ITSN1: variants seen among roughly 807,000 people sequenced by gnomAD.
ITSN1 encodes intersectin 1, also known as intersectin-1.
ITSN1 carries 58 observed loss-of-function variants against 239.8 expected under a neutral mutation model. That is an observed-to-expected ratio of 0.24 (90% CI 0.20 to 0.30). The LOEUF (loss-of-function observed/expected upper bound fraction) is 0.30, where lower values mean the gene tolerates loss of function less well. ITSN1 is among the 10% of genes least tolerant of loss of function. The pLI is 1.00. For synonymous variants in ITSN1, 780 were observed against 770.8 expected, an observed-to-expected ratio of 1.01 and a Z score of -0.20; for missense variants, 1,558 against 2,103.3, an observed-to-expected ratio of 0.74 and a Z score of 5.07.
At position 33,882,119 on chromosome 21, in the gene ITSN1, T is replaced by C. The variant is rs368887230; in HGVS notation, c.4342-124T>C. ...CTCTTGGCTCCAAAGTCTTCAAAGC[T>C]ATCCTTGACTTTTGCCTGAGATCCG... On this transcript the variant is annotated intron_variant, in intron 34 of 39. Transcript: ENST00000381318. The surrounding 1 kb of genome is among the most constrained non-coding windows in gnomAD (Gnocchi z 4.5). 1.3e-6 allele frequency: 1 copy of C among 756,824 alleles called. No individual in the cohort carries two copies. The highest frequency in any genetic ancestry group is 1.8e-5 in the African/African-American group (1 of 56,902). 46.9% of individuals were successfully genotyped at this position (756,824 alleles called of 1,614,324 possible).
intron 1 of ITSN1, among the ~76,000 whole-genome samples, chr21:33,703,186 G>A (rs930279217): frequency 1.3e-5 from 2 of 149,866 alleles, no homozygotes; most frequent in South Asian, 2.1e-4. Context: ...ATATATATGC[G>A]TATATATATA....
chr21:33,806,062 T>A (rs1602344778), intron 20 of ITSN1, among the ~76,000 whole-genome samples: 1 of 132,604 alleles, frequency 7.5e-6, no homozygotes, highest in Admixed American at 7.8e-5. Flanking sequence ...AAAAAAAAAA[T>A]TAGCCGGGCA....
In ITSN1 at chr21:33,749,875, T is replaced by C. The variant is rs561898174; in HGVS notation, c.347-268T>C. 5.3e-5 allele frequency among the ~76,000 whole-genome samples: 8 copies of C among 152,292 alleles called. No homozygotes were observed. The South Asian group carries it at 1.7e-3, about 32-fold the overall frequency. On this transcript the variant is annotated intron_variant, in intron 5 of 39. Transcript: ENST00000381318. ...ATCATTTTGAACTCATGGATTTAAT[T>C]ATATTTGAGCCTTTAAGTCCACTGC...
intron 35 of ITSN1, 33 bp from the exon 36 acceptor site, chr21:33,883,517 C>T: frequency 1.2e-6 from 2 of 1,609,836 alleles, no homozygotes; most frequent in Admixed American, 1.7e-5. Flanking sequence ...GACCCCCAGC[C>T]TCGCTTTGTA....
chr21:33,649,204 A>G (rs1167735958), intron 1 of ITSN1, among the ~76,000 whole-genome samples: 1 of 152,202 alleles, frequency 6.6e-6, no homozygotes, highest in African/African-American at 2.4e-5. Context: ...TACTTCCTGA[A>G]TGTGAATGTT....
At chr21:33,847,437 C>T (rs186388099) in intron 29 of ITSN1, among the ~76,000 whole-genome samples, 1 of 152,342 alleles carries the variant, frequency 6.6e-6, no homozygotes, top group Admixed American at 6.5e-5. Context: ...TTTGAAAAGC[C>T]GGTGGTTTCC....
At chr21:33,677,342 C>CT (rs748470766) in intron 1 of ITSN1, among the ~76,000 whole-genome samples, 5,044 of 137,054 alleles carry the variant, frequency 0.037, 251 homozygotes, top group African/African-American at 0.12. Flanking sequence ...AAGCAGAATT[C>CT]TTTTTTTTTT....
chr21:33,704,604 A>C (rs1290373854), intron 1 of ITSN1, among the ~76,000 whole-genome samples: 1 of 152,202 alleles, frequency 6.6e-6, no homozygotes, highest in Non-Finnish European at 1.5e-5. Context: ...AATATAGGTC[A>C]GGTGTACTTG....
chr21:33,797,693 C>G lies in ITSN1; in HGVS notation c.2182+85C>G. 1 of 986,412 alleles carries G rather than the reference C, an allele frequency of 1.0e-6. No homozygotes were observed. The highest frequency in any genetic ancestry group is 1.6e-5 in the South Asian group (1 of 63,448). The allele number at this position is 986,412 out of a possible 1,614,324, so 61.1% of individuals were successfully genotyped here. ...AAAAATGCCCCTATCTCATCAGTAC[C>G]TGTCTTGGCTACATTAACAGATGAG... On this transcript the variant is annotated intron_variant, in intron 18 of 39. Transcript: ENST00000381318. This position sits in a 1 kb window ranked among gnomAD's most constrained non-coding sequence, Gnocchi z 4.9.
rs369005285 is a variant in ITSN1 at position 33,882,642 on chromosome 21, ACT to A, written c.4554+189_4554+190del. Among the ~76,000 whole-genome samples the A allele has an allele frequency of 6.4e-4, 97 of 152,164 alleles. No homozygotes were observed. The highest frequency in any genetic ancestry group is 2.3e-3 in the African/African-American group (94 of 41,516). On this transcript the variant is annotated intron_variant, in intron 35 of 39. Transcript: ENST00000381318. The surrounding 1 kb of genome is among the most constrained non-coding windows in gnomAD (Gnocchi z 4.5). ...CATATCCCGCCGCAGTGTCAGTGAC[ACT>A]CAGTGCTATCGGTGGAACATATTGG...
intron 4 of ITSN1, among the ~76,000 whole-genome samples, chr21:33,730,234 C>G (rs2066088013): frequency 6.6e-6 from 1 of 151,966 alleles, no homozygotes; most frequent in South Asian, 2.1e-4. Flanking sequence ...TCCCTTTACC[C>G]TGTTTCCACC....
intron 1 of ITSN1, among the ~76,000 whole-genome samples, chr21:33,673,342 A>C (rs2090411305): frequency 6.6e-6 from 1 of 152,220 alleles, no homozygotes; most frequent in Non-Finnish European, 1.5e-5. Context: ...ACTCTGGCTA[A>C]TATTGTATTG....
In ITSN1 at chr21:33,755,298, G is replaced by A. The variant is rs770811360; in HGVS notation, c.625G>A (p.Val209Ile). The change falls in exon 8 of 40, where the codon GTC (valine) becomes ATC (isoleucine). Residue 209 changes from valine (V) to isoleucine (I), a missense_variant and splice_region_variant. By Grantham distance (29) the Val-to-Ile change is conservative (BLOSUM62 3). Coordinates refer to ENST00000381318, the MANE Select transcript of ITSN1 (RefSeq NM_003024.3). ...CTCTCCTTTTTCTTTTCCCCACAGTGTCCCACCAGTGGCAGAGTGGGCTGT... is the reference window on the plus strand; with the variant it reads ...CTCTCCTTTTTCTTTTCCCCACAGTATCCCACCAGTGGCAGAGTGGGCTGT... Reference protein sequence around the residue: ...QKAQSFDVASVPPVAEWAVPQ... With the variant: ...QKAQSFDVASIPPVAEWAVPQ... 1.3e-6 allele frequency: 2 copies of A among 1,587,938 alleles called. No homozygotes were observed. The highest frequency in any genetic ancestry group is 1.1e-5 in the South Asian group (1 of 89,462).
At chr21:33,815,146 C>G (rs1274081412) in intron 22 of ITSN1, among the ~76,000 whole-genome samples, 1 of 151,970 alleles carries the variant, frequency 6.6e-6, no homozygotes, top group Non-Finnish European at 1.5e-5. Flanking sequence ...GAAGAGAGCA[C>G]GAGACTGGGA....
chr21:33,667,105 A>C (rs970774323), intron 1 of ITSN1, among the ~76,000 whole-genome samples: 3 of 150,316 alleles, frequency 2.0e-5, no homozygotes, highest in Non-Finnish European at 1.5e-5. Context: ...AGAATTTGTA[A>C]GCATAAGCCA....
chr21:33,691,023 C>G (rs1039239188), intron 1 of ITSN1, among the ~76,000 whole-genome samples: 1 of 151,268 alleles, frequency 6.6e-6, no homozygotes, highest in East Asian at 1.9e-4. Flanking sequence ...TCTCTTCATC[C>G]TTCGTAGGCT....
chr21:33,731,271 C>T (rs1239441967), intron 4 of ITSN1, among the ~76,000 whole-genome samples: 1 of 152,134 alleles, frequency 6.6e-6, no homozygotes, highest in Non-Finnish European at 1.5e-5. Flanking sequence ...ACTGGATATT[C>T]CTGTTTCTCA....
chr21:33,876,101 CCTT>C (rs1490757957), intron 34 of ITSN1, among the ~76,000 whole-genome samples: 1 of 79,556 alleles, frequency 1.3e-5, no homozygotes, highest in African/African-American at 3.5e-5. Context: ...TTCTTTCTTT[CCTT>C]CTTTCTTTCT....
chr21:33,885,684 G>T (rs1203962674), intron 38 of ITSN1, among the ~76,000 whole-genome samples, 162 bp downstream of exon 38: 1 of 152,066 alleles, frequency 6.6e-6, no homozygotes, highest in African/African-American at 2.4e-5. Flanking sequence ...TGGAGGTTTT[G>T]TGTTTTTTTT....
Sources: gnomAD v4.1 joint callset for allele counts (sites outside exome capture counted in the v4.1 genomes callset) on GRCh38, gnomAD v4.1.1 for gene constraint, Gnocchi (gnomAD v3.1) non-coding constraint, MANE v1.5 for transcripts, NCBI Gene and HGNC (gene_info 2026-07-23, HGNC 2026-07-21) for gene names.